The following LINGO1 variants were observed in gnomAD, a reference collection of about 807,000 sequenced individuals.
The protein encoded by LINGO1 is leucine rich repeat and Ig domain containing 1, also known as leucine-rich repeat and immunoglobulin-like domain-containing nogo receptor-interacting protein 1.
In LINGO1, 11 loss-of-function variants were observed where a neutral mutation model predicts 37.3. That is an observed-to-expected ratio of 0.29 (90% CI 0.19 to 0.49). The LOEUF is 0.49. Among genes scored for constraint, LINGO1 ranks in the 20% least tolerant of loss-of-function variants. LINGO1 has a pLI of 0.99. For synonymous variants in LINGO1, 387 were observed against 403.0 expected (o/e 0.96, Z 0.48); for missense variants, 585 against 878.2 (o/e 0.67, Z 4.22).
At chr15:77,798,256 G>T (rs2076889456) in intron 1 of LINGO1, among the ~76,000 whole-genome samples, 1 of 152,204 alleles carries the variant, frequency 6.6e-6, no homozygotes, top group Non-Finnish European at 1.5e-5. Context: ...GTCAGACAGG[G>T]GCACTGTCAG....
intron 2 of LINGO1, among the ~76,000 whole-genome samples, chr15:77,689,815 CAA>C (rs750513361): frequency 6.6e-6 from 1 of 151,646 alleles, no homozygotes; most frequent in Non-Finnish European, 1.5e-5. Context: ...CTTCTAAGTT[CAA>C]AAAAAAGAAA....
intron 2 of LINGO1, among the ~76,000 whole-genome samples, chr15:77,689,850 G>T (rs1302399397): frequency 6.6e-6 from 1 of 152,114 alleles, no homozygotes; most frequent in Non-Finnish European, 1.5e-5. Flanking sequence ...CCAAACCAGC[G>T]ATGTCCCAAA....
chr15:77,797,199 G>A (rs1357842089), intron 1 of LINGO1, among the ~76,000 whole-genome samples: 1 of 152,228 alleles, frequency 6.6e-6, no homozygotes, highest in African/African-American at 2.4e-5. Flanking sequence ...CTGGCCAGGT[G>A]GCCCTGGGGA....
At chr15:77,634,910 C>T (rs1007937643), upstream of LINGO1, among the ~76,000 whole-genome samples, 15 of 152,160 alleles carry the variant, frequency 9.9e-5, no homozygotes, top group Non-Finnish European at 2.1e-4. Flanking sequence ...CGCTGGGGGG[C>T]GGGGGCGGGG....
intron 2 of LINGO1, among the ~76,000 whole-genome samples, chr15:77,713,153 C>A (rs2075939529): frequency 6.6e-6 from 1 of 151,912 alleles, no homozygotes; most frequent in Non-Finnish European, 1.5e-5. Flanking sequence ...GGCAATTCTC[C>A]CACCTCAGCC....
intron 3 of LINGO1, among the ~76,000 whole-genome samples, chr15:77,657,039 C>T (rs2074880783): frequency 1.3e-5 from 2 of 152,206 alleles, no homozygotes; most frequent in Non-Finnish European, 2.9e-5. Flanking sequence ...CCCAGGGCAG[C>T]TCCTACCAGC....
intron 2 of LINGO1, among the ~76,000 whole-genome samples, chr15:77,682,368 A>G (rs975549980): frequency 1.5e-4 from 22 of 151,584 alleles, no homozygotes; most frequent in Admixed American, 2.6e-4. Context: ...CAAAAACCAG[A>G]CACCCACGGG....
chr15:77,625,825 T>C (rs2074071200), intron 1 of LINGO1, among the ~76,000 whole-genome samples: 1 of 152,190 alleles, frequency 6.6e-6, no homozygotes, highest in African/African-American at 2.4e-5. Context: ...GCTTTACCTC[T>C]GGGGACCACA....
At chr15:77,634,206 C>CT, upstream of LINGO1, 1 of 451,104 alleles carries the variant, frequency 2.2e-6, no homozygotes, top group South Asian at 1.6e-5. Context: ...GGAGGGACCT[C>CT]TCCCCACCCC....
intron 1 of LINGO1, among the ~76,000 whole-genome samples, chr15:77,623,651 C>G (rs951402102): frequency 1.3e-5 from 2 of 152,150 alleles, no homozygotes; most frequent in African/African-American, 2.4e-5. Flanking sequence ...GCCGTCTCCC[C>G]GGGGGTTGGT....
intron 1 of LINGO1, among the ~76,000 whole-genome samples, chr15:77,813,564 G>A (rs952418100): frequency 3.3e-5 from 5 of 152,190 alleles, no homozygotes. Context: ...AGAGGGCAGA[G>A]GCTGGTCCTA....
chr15:77,792,960 G>C (rs924332514), intron 2 of LINGO1, among the ~76,000 whole-genome samples: 6 of 152,222 alleles, frequency 3.9e-5, no homozygotes, highest in African/African-American at 1.4e-4. Context: ...CACAGGGAGG[G>C]TGGCACTAGG....
chr15:77,671,662 G>A (rs1314295260), intron 3 of LINGO1, among the ~76,000 whole-genome samples: 2 of 152,224 alleles, frequency 1.3e-5, no homozygotes, highest in Admixed American at 6.5e-5. Context: ...GCAGGAAGGC[G>A]GTCCCCGCCT....
upstream of LINGO1, among the ~76,000 whole-genome samples, chr15:77,637,471 C>T (rs2074418269): frequency 6.6e-6 from 1 of 152,212 alleles, no homozygotes; most frequent in Non-Finnish European, 1.5e-5. The surrounding 1 kb of genome is among the most constrained non-coding windows in gnomAD (Gnocchi z 4.6). Flanking sequence ...ACCTCACCTT[C>T]CCCTCGGGCG....
intron 1 of LINGO1, among the ~76,000 whole-genome samples, chr15:77,630,585 C>G (rs1288002698): frequency 6.6e-6 from 1 of 152,214 alleles, no homozygotes; most frequent in Non-Finnish European, 1.5e-5. Context: ...CTCCACCTCC[C>G]TCCCAGTCAC....
At chr15:77,627,071 G>A (rs1204838969) in intron 1 of LINGO1, among the ~76,000 whole-genome samples, 1 of 151,634 alleles carries the variant, frequency 6.6e-6, no homozygotes, top group Non-Finnish European at 1.5e-5. Context: ...AAGTAGAGGA[G>A]GTGGCAGAGA....
At chr15:77,641,643 G>A in intron 3 of LINGO1, 2 of 356,716 alleles carry the variant, frequency 5.6e-6, no homozygotes, top group East Asian at 7.4e-5. Flanking sequence ...GACAGATGAG[G>A]AGTGGGCGTG....
chr15:77,641,494 T>C (rs2074505272), intron 3 of LINGO1, among the ~76,000 whole-genome samples: 1 of 152,186 alleles, frequency 6.6e-6, no homozygotes, highest in South Asian at 2.1e-4. Context: ...AATATGCCTA[T>C]AAATTATTGA....
chr15:77,747,628 T>C (rs116172029), intron 1 of LINGO1, among the ~76,000 whole-genome samples: 1 of 152,060 alleles, frequency 6.6e-6, no homozygotes, highest in Non-Finnish European at 1.5e-5. Flanking sequence ...CTGACCTGCC[T>C]GCAAGACAGC....
Sources: allele counts gnomAD v4.1 joint callset (sites outside exome capture counted in the v4.1 genomes callset), GRCh38; gene constraint gnomAD v4.1.1; non-coding constraint Gnocchi (gnomAD v3.1); transcripts MANE v1.5; gene names NCBI Gene and HGNC (gene_info 2026-07-23, HGNC 2026-07-21).